TPR: variants seen among roughly 807,000 people sequenced by gnomAD.
TPR encodes nucleoprotein TPR.
In TPR, 51 loss-of-function variants were observed where a neutral mutation model predicts 316.1. That is an observed-to-expected ratio of 0.16 (90% confidence interval 0.13 to 0.20). The LOEUF (loss-of-function observed/expected upper bound fraction) is 0.20. TPR is among the 10% of genes least tolerant of loss of function. TPR has a pLI of 1.00. For missense variants in TPR, 2,272 were observed against 2,754.8 expected (o/e 0.82, Z 3.92); for synonymous variants, 981 against 914.7 (o/e 1.07, Z -1.31).
intron 32 of TPR, 80 bp from the exon 33 acceptor site, chr1:186,336,774 A>G: frequency 2.1e-6 from 3 of 1,455,004 alleles, no homozygotes; most frequent in Non-Finnish European, 2.8e-6. Flanking sequence ...TTAAAGTATA[A>G]CTTATTAATT....
At chr1:186,335,176 C>A in intron 34 of TPR, 47 bp from the exon 35 acceptor site, 2 of 1,572,572 alleles carry the variant, frequency 1.3e-6, no homozygotes, top group South Asian at 2.3e-5. Flanking sequence ...CACAAGAGTC[C>A]ACTAAAAATG....
intron 21 of TPR, among the ~76,000 whole-genome samples, chr1:186,349,435 C>G (rs1298904755): frequency 6.6e-6 from 1 of 151,740 alleles, no homozygotes; most frequent in Non-Finnish European, 1.5e-5. Context: ...GGGCAGAGCA[C>G]AAGGTCAGGA....
At chr1:186,369,267 A>AT (rs112390222) in intron 3 of TPR, among the ~76,000 whole-genome samples, 12 of 150,744 alleles carry the variant, frequency 8.0e-5, no homozygotes, top group East Asian at 3.9e-4. Flanking sequence ...GAATTTCAGA[A>AT]TTTTTTTTTT....
intron 3 of TPR, 125 bp downstream of exon 3, chr1:186,370,845 G>T: frequency 1.4e-6 from 1 of 695,522 alleles, no homozygotes; most frequent in Non-Finnish European, 2.4e-6. Flanking sequence ...ATTTTTGTTG[G>T]TAGCTTCCCC....
intron 46 of TPR, 138 bp downstream of exon 46, chr1:186,320,174 A>AT: frequency 1.4e-6 from 1 of 725,332 alleles, no homozygotes; most frequent in South Asian, 2.4e-5. Flanking sequence ...ATACTACAGC[A>AT]TTTAAAAAAA....
chr1:186,317,245 G>C (rs1019065565), intron 49 of TPR, among the ~76,000 whole-genome samples: 2 of 152,144 alleles, frequency 1.3e-5, no homozygotes, highest in African/African-American at 4.8e-5. Context: ...ACATGAGTGA[G>C]CTATTCTTTT....
At chr1:186,368,085 C>A in intron 3 of TPR, 103 bp from the exon 4 acceptor site, 1 of 659,818 alleles carries the variant, frequency 1.5e-6, no homozygotes, top group East Asian at 2.8e-5. Context: ...GTGTAAATGA[C>A]TGGCTTTCTC....
rs758014379 is a variant in TPR, at chr1:186,353,712, T to C, written c.2310A>G (p.Ala770=). ...CTTCTGCGACAGCTAGCTTCTCATT[T>C]GCTCCTCTCAAATCTTGAGTCATCG... ...INTMTQDLRG[A]NEKLAVAEVR... is the part of the protein sequence containing the mutation. Residue 770 remains alanine, a synonymous_variant, in exon 18 of 51, where the codon GCA becomes GCG. Transcript: ENST00000367478. 6.2e-6 allele frequency: 10 copies of C among 1,614,062 alleles called. 1 individual carries two copies. The highest frequency in any genetic ancestry group is 8.5e-6 in the Non-Finnish European group (10 of 1,180,016).
chr1:186,320,462 C>A, intron 45 of TPR, 44 bp from the exon 46 acceptor site: 1 of 1,517,812 alleles, frequency 6.6e-7, no homozygotes, highest in African/African-American at 1.4e-5. Flanking sequence ...TAAAGTTAAC[C>A]TATTTAAACC....
chr1:186,332,986 C>G (rs760876209), intron 37 of TPR, 136 bp downstream of exon 37: 3 of 1,054,506 alleles, frequency 2.8e-6, no homozygotes, highest in Non-Finnish European at 4.0e-6. Flanking sequence ...CGTATTATAT[C>G]CAAGATATTA....
chr1:186,322,248 TAAAC>T (rs1657795664), intron 45 of TPR, 66 bp downstream of exon 45: 4 of 1,418,558 alleles, frequency 2.8e-6, no homozygotes, highest in Non-Finnish European at 3.9e-6. Context: ...AACCAAATGA[TAAAC>T]AAACTAACAG....
chr1:186,334,216 G>T, intron 36 of TPR, 109 bp downstream of exon 36: 1 of 1,137,816 alleles, frequency 8.8e-7, no homozygotes, highest in Non-Finnish European at 1.2e-6. Context: ...TTTTTACAAT[G>T]ACGTGACTTC....
Position 186,350,265 on chromosome 1 carries a change from C to T in TPR, c.2734G>A (p.Glu912Lys), listed in dbSNP as rs777034701. The T allele has an allele frequency of 6.2e-7, 1 of 1,613,010 alleles. No individual in the cohort carries two copies. Among genetic ancestry groups the T allele is most frequent in the South Asian group, 1.1e-5 (1 of 90,780 alleles). ...GAAGACTGAGAAGCAACTTGGACTT[C>T]CATATTACTGAGGTGCTGTTTCAAT... ...ATLKQHLSNM[E>K]VQVASQSSQR... Residue 912 changes from glutamate to lysine, a missense_variant, in exon 21 of 51, where the codon GAA (glutamate) becomes AAA (lysine). Around this residue, in one of 10 missense-constraint regions of TPR, gnomAD observed 757 missense variants for 859.8 expected, o/e 0.88. Transcript: ENST00000367478.
At chr1:186,368,068 A>G (rs1659399584) in intron 3 of TPR, 86 bp from the exon 4 acceptor site, 1 of 883,442 alleles carries the variant, frequency 1.1e-6, no homozygotes, top group South Asian at 1.6e-5. Context: ...AGTTAACATC[A>G]GCTGTAGTGT....
chr1:186,320,336 G>C lies in TPR; in HGVS notation c.6544C>G (p.Leu2182Val). Residue 2182 changes from leucine to valine, a missense_variant, in exon 46 of 51, where the codon CTT becomes GTT. Leu to Val is a conservative substitution (Grantham distance 32). This residue lies in a region of TPR where 88 missense variants were observed against 176.2 expected (regional missense o/e 0.50). Transcript: ENST00000367478. ...MPQTSSSHSD[L>V]GQLASQGGLG... is the part of the protein sequence containing the mutation. ...CCTCCTTGAGAAGCAAGCTGGCCAA[G>C]ATCAGAGTGACTAGAACTTGTTTGT... 1 of 1,612,372 alleles carries C rather than the reference G, an allele frequency of 6.2e-7. No individual in the cohort carries two copies. Among genetic ancestry groups the C allele is most frequent in the Non-Finnish European group, 8.5e-7 (1 of 1,178,962 alleles).
At position 186,351,344 on chromosome 1, in the gene TPR, T is replaced by G; in HGVS notation, c.2596A>C (p.Thr866Pro). ...GATGGACTCACATCTAGATTTCTAG[T>G]AAGTGTATGCCTTTGTTCCACCTCA... Reference protein sequence around the residue: ...ENEVEQRHTLTRNLDVQLLDT... With the variant: ...ENEVEQRHTLPRNLDVQLLDT... Residue 866 changes from threonine to proline, a missense_variant, in exon 20 of 51, where the codon ACT becomes CCT. Physicochemically the swap from Thr to Pro is conservative, Grantham distance 38 (BLOSUM62 -1). Coordinates refer to ENST00000367478, the MANE Select transcript of TPR (RefSeq NM_003292.3). The G allele has an allele frequency of 1.2e-6, 2 of 1,606,992 alleles. No homozygotes were observed. The highest frequency in any genetic ancestry group is 1.7e-5 in the Admixed American group (1 of 58,762).
intron 11 of TPR, 82 bp downstream of exon 11, chr1:186,360,190 GT>G: frequency 7.4e-6 from 11 of 1,482,110 alleles, no homozygotes; most frequent in Non-Finnish European, 1.0e-5. Context: ...TTAAAAATAA[GT>G]TTTGGGAGAA....
Position 186,334,391 on chromosome 1 carries a change from C to T in TPR, c.5116G>A (p.Val1706Ile). 6.2e-7 allele frequency: 1 copy of T among 1,613,550 alleles called. No individual in the cohort carries two copies. The highest frequency in any genetic ancestry group is 8.5e-7 in the Non-Finnish European group (1 of 1,179,704). The change falls in exon 36 of 51, where the codon GTT becomes ATT. Residue 1706 changes from valine (V) to isoleucine (I), a missense_variant. By Grantham distance (29) the Val-to-Ile change is conservative (BLOSUM62 3). This residue lies in a region of TPR where 109 missense variants were observed against 215.3 expected (regional missense o/e 0.51). Transcript: ENST00000367478. ...GTTGGGGTAGTAGTGGGATTTGTAA[C>T]AGTTGCAGGTGTAACCATTGGGCGG... ...SIRPMVTPAT[V>I]TNPTTTPTAT...
At position 186,313,419 on chromosome 1, in the gene TPR, A is replaced by C. The variant is rs185519458; in HGVS notation, c.*552T>G. On this transcript the variant is annotated 3_prime_UTR_variant, in exon 51 of 51. Coordinates refer to ENST00000367478, the MANE Select transcript of TPR (RefSeq NM_003292.3). ...AGTAAATTATTTTTCAAACTTGGTT[A>C]CTCTTTAATGTTTACTTCATAAAGG... 4.9e-5 allele frequency: 20 copies of C among 409,818 alleles called. No homozygotes were observed. Among genetic ancestry groups the C allele is most frequent in the Non-Finnish European group, 7.0e-5 (16 of 228,902 alleles). The allele number at this position is 409,818 out of a possible 1,614,324, so 25.4% of individuals were successfully genotyped here.
Sources: gnomAD v4.1 joint callset for allele counts (sites outside exome capture counted in the v4.1 genomes callset) on GRCh38, gnomAD v4.1.1 for gene constraint, gnomAD v4.1.1 regional missense constraint, MANE v1.5 for transcripts, NCBI Gene and HGNC (gene_info 2026-07-23, HGNC 2026-07-21) for gene names.